Variants in PRLR observed in about 807,000 individuals in gnomAD.
PRLR encodes hPRL receptor.
In PRLR, 13 loss-of-function variants were observed where a neutral mutation model predicts 40.2. The ratio of observed to expected loss-of-function variants is 0.32; its 90% CI spans 0.21 to 0.51. PRLR has a LOEUF of 0.51. Ranked by LOEUF, PRLR falls within the 20% of genes least tolerant of loss-of-function variation. The pLI, the probability that PRLR is intolerant of heterozygous loss-of-function variation, is 0.97. For missense variants in PRLR, 656 were observed against 747.3 expected, an observed-to-expected ratio of 0.88 and a Z score of 1.42; for synonymous variants, 269 against 278.7, an observed-to-expected ratio of 0.97 and a Z score of 0.35.
At chr5:35,138,523 G>A (rs76099598) in intron 1 of PRLR, among the ~76,000 whole-genome samples, 3,927 of 152,306 alleles carry the variant, frequency 0.026, 85 homozygotes, top group Middle Eastern at 0.092. Flanking sequence ...GCTTCAAAAT[G>A]ATGCACATTT....
At chr5:35,070,428 A>C (rs933508424) in intron 6 of PRLR, among the ~76,000 whole-genome samples, 163 bp from the exon 7 acceptor site, 5 of 152,194 alleles carry the variant, frequency 3.3e-5, no homozygotes, top group African/African-American at 1.2e-4. Context: ...TTCTCTTAAA[A>C]TTGCTCACAC....
intron 1 of PRLR, among the ~76,000 whole-genome samples, chr5:35,165,185 T>C (rs1398831864): frequency 6.6e-6 from 1 of 152,190 alleles, no homozygotes; most frequent in Non-Finnish European, 1.5e-5. Flanking sequence ...TTCCCAGGTG[T>C]TCTGCTCTTC....
chr5:35,152,065 T>C (rs1194490933), intron 1 of PRLR, among the ~76,000 whole-genome samples: 1 of 152,170 alleles, frequency 6.6e-6, no homozygotes, highest in Non-Finnish European at 1.5e-5. Flanking sequence ...AGATGAAAAA[T>C]ACTATTTTCA....
chr5:35,117,277 C>T (rs539372693), intron 2 of PRLR, among the ~76,000 whole-genome samples: 2 of 152,278 alleles, frequency 1.3e-5, no homozygotes, highest in African/African-American at 4.8e-5. Context: ...CCCTAGATGG[C>T]CCCAAGAAGT....
intron 1 of PRLR, among the ~76,000 whole-genome samples, chr5:35,219,292 T>C (rs2111667893): frequency 6.6e-6 from 1 of 152,332 alleles, no homozygotes; most frequent in African/African-American, 2.4e-5. Flanking sequence ...GCTGTACAGA[T>C]GGATTCAGTT....
Position 35,136,967 on chromosome 5 carries a change from A to G in PRLR, c.-105-18845T>C, listed in dbSNP as rs75455046. On this transcript the variant is annotated intron_variant, in intron 1 of 9. Transcript: ENST00000618457. ...AAGAAAAAGAAAAAAAAAAAAGCCT[A>G]GCTAATACTTTTTCCTGAGCTCCTC... Among the ~76,000 whole-genome samples, 112 of 152,234 alleles carry G rather than the reference A, an allele frequency of 7.4e-4. 1 individual carries two copies. In the East Asian group the frequency reaches 0.018, roughly 25 times the overall value.
rs1769073452 is a variant in PRLR, at chr5:35,062,138, T to G, written c.*2951A>C. The G allele has an allele frequency of 6.6e-6, 1 of 152,210 alleles. No homozygotes were observed. The highest frequency in any genetic ancestry group is 1.5e-5 in the Non-Finnish European group (1 of 68,042). 9.4% of individuals were successfully genotyped at this position (152,210 alleles called of 1,614,324 possible). Reference sequence around the variant, plus strand: ...TAAAAAGCAAAGTATAAAGAGCACATCACTGAAGATTACTTTGTATTTCTA... The same window carrying G: ...TAAAAAGCAAAGTATAAAGAGCACAGCACTGAAGATTACTTTGTATTTCTA... On this transcript the variant is annotated 3_prime_UTR_variant, in exon 10 of 10. Coordinates refer to ENST00000618457, the MANE Select transcript of PRLR (RefSeq NM_000949.7).
At chr5:35,053,373 C>T (rs1768571468), downstream of PRLR, among the ~76,000 whole-genome samples, 1 of 152,214 alleles carries the variant, frequency 6.6e-6, no homozygotes, top group Non-Finnish European at 1.5e-5. Flanking sequence ...ATCAGTGGGA[C>T]TGGGCATGGT....
At chr5:35,092,151 C>T (rs888766298) in intron 2 of PRLR, among the ~76,000 whole-genome samples, 1 of 152,146 alleles carries the variant, frequency 6.6e-6, no homozygotes, top group Non-Finnish European at 1.5e-5. Context: ...TAAAGTTTTC[C>T]TATAATAATG....
Position 35,065,230 on chromosome 5 carries a change from G to A in PRLR, c.1728C>T (p.Ala576=). Reference sequence around the variant, plus strand: ...GTTCAAGTGATGGTGGGGCCTCTTTGGCTGATTCTTCAAAGCAAGCCACGT... The same window carrying A: ...GTTCAAGTGATGGTGGGGCCTCTTTAGCTGATTCTTCAAAGCAAGCCACGT... ...AKNVACFEES[A]KEAPPSLEQN... The change falls in exon 10 of 10, where the codon GCC becomes GCT. Residue 576 remains alanine (A), a synonymous_variant. Transcript: ENST00000618457. The A allele has an allele frequency of 6.2e-7, 1 of 1,614,070 alleles. No homozygotes were observed. Among genetic ancestry groups the A allele is most frequent in the Non-Finnish European group, 8.5e-7 (1 of 1,180,004 alleles).
intron 1 of PRLR, among the ~76,000 whole-genome samples, chr5:35,219,289 A>G (rs557683210): frequency 6.6e-6 from 1 of 152,378 alleles, no homozygotes; most frequent in East Asian, 1.9e-4. Context: ...AGAGCTGTAC[A>G]GATGGATTCA....
intron 2 of PRLR, among the ~76,000 whole-genome samples, chr5:35,111,183 A>G (rs979056792): frequency 1.3e-5 from 2 of 152,208 alleles, no homozygotes; most frequent in African/African-American, 4.8e-5. Flanking sequence ...GCTGTTAATC[A>G]TTGGAATATG....
chr5:35,078,879 C>A (rs1298556083), intron 5 of PRLR, among the ~76,000 whole-genome samples: 1 of 152,192 alleles, frequency 6.6e-6, no homozygotes, highest in Non-Finnish European at 1.5e-5. Flanking sequence ...TAGGCTTCAT[C>A]CCTGGGATGC....
intron 1 of PRLR, among the ~76,000 whole-genome samples, chr5:35,229,141 T>C (rs1776627895): frequency 6.7e-6 from 1 of 148,224 alleles, no homozygotes; most frequent in African/African-American, 2.5e-5. Context: ...AATATATATA[T>C]ATAATTAATT....
At chr5:35,083,673 C>T (rs1400882825) in intron 5 of PRLR, among the ~76,000 whole-genome samples, 2 of 151,770 alleles carry the variant, frequency 1.3e-5, no homozygotes, top group East Asian at 3.9e-4. Flanking sequence ...GCACGCACCA[C>T]CACAGCCGGC....
intron 1 of PRLR, among the ~76,000 whole-genome samples, chr5:35,207,743 CACATATAT>C (rs1301088446): frequency 6.6e-6 from 1 of 152,050 alleles, no homozygotes; most frequent in Non-Finnish European, 1.5e-5. Flanking sequence ...AACACACATA[CACATATAT>C]ACATGTATTT....
chr5:35,107,893 A>T (rs775126005), intron 2 of PRLR, among the ~76,000 whole-genome samples: 4 of 152,210 alleles, frequency 2.6e-5, no homozygotes, highest in Non-Finnish European at 5.9e-5. Context: ...CATCATCCTG[A>T]TACCAAATCC....
chr5:35,151,995 T>C (rs1047237678), intron 1 of PRLR, among the ~76,000 whole-genome samples: 1 of 152,176 alleles, frequency 6.6e-6, no homozygotes, highest in African/African-American at 2.4e-5. Flanking sequence ...ACACCGTAAT[T>C]TATCCCATCA....
At chr5:35,102,113 C>G (rs1374530861) in intron 2 of PRLR, among the ~76,000 whole-genome samples, 1 of 152,114 alleles carries the variant, frequency 6.6e-6, no homozygotes, top group Non-Finnish European at 1.5e-5. Context: ...CAGACGTGAG[C>G]CACCACGCCC....
Sources: gnomAD v4.1 joint callset for allele counts (sites outside exome capture counted in the v4.1 genomes callset) on GRCh38, gnomAD v4.1.1 for gene constraint, MANE v1.5 for transcripts, NCBI Gene and HGNC (gene_info 2026-07-23, HGNC 2026-07-21) for gene names.